SLC24A2: variants seen among roughly 807,000 people sequenced by gnomAD.
SLC24A2 encodes the protein solute carrier family 24 member 2.
SLC24A2 carries 36 observed loss-of-function variants against 62.0 expected under a neutral mutation model. That is an observed-to-expected ratio of 0.58 (90% confidence interval 0.44 to 0.77). SLC24A2 has a LOEUF of 0.77. Ranked by LOEUF, SLC24A2 falls within the 30% of genes least tolerant of loss-of-function variation. The probability of loss-of-function intolerance (pLI) is 0.00; values close to 1 mark genes in which losing one functional copy is unlikely to be tolerated. For synonymous variants in SLC24A2, 358 were observed against 294.0 expected, an observed-to-expected ratio of 1.22 and a Z score of -2.23; for missense variants, 846 against 817.9, an observed-to-expected ratio of 1.03 and a Z score of -0.42.
chr9:20,160,789 A>C, the SLC24A2 span, among the ~76,000 whole-genome samples: 2 of 151,162 alleles, frequency 1.3e-5, no homozygotes, highest in African/African-American at 2.4e-5. Flanking sequence ...AACCTTAAAC[A>C]TCTTGAATAA....
At chr9:19,738,596 CATT>C (rs202135527) in intron 2 of SLC24A2, among the ~76,000 whole-genome samples, 2,684 of 152,078 alleles carry the variant, frequency 0.018, 95 homozygotes, top group African/African-American at 0.061. Flanking sequence ...AGAAAAGTAT[CATT>C]ATTATTTTCA....
the SLC24A2 span, among the ~76,000 whole-genome samples, chr9:20,041,656 A>T: frequency 5.3e-5 from 8 of 152,360 alleles, no homozygotes; most frequent in East Asian, 1.5e-3. Flanking sequence ...TGCCTCATAC[A>T]TATGAAGGAA....
chr9:19,557,561 T>C (rs949547208), intron 7 of SLC24A2, among the ~76,000 whole-genome samples: 1 of 152,176 alleles, frequency 6.6e-6, no homozygotes, highest in African/African-American at 2.4e-5. Flanking sequence ...CTCAAAGCCT[T>C]TGTCATTAAA....
the SLC24A2 span, among the ~76,000 whole-genome samples, chr9:20,048,314 T>C: frequency 1.3e-5 from 2 of 152,228 alleles, no homozygotes; most frequent in African/African-American, 4.8e-5. Flanking sequence ...ATACATAATT[T>C]GCTTGATAAG....
the SLC24A2 span, among the ~76,000 whole-genome samples, chr9:20,156,298 T>A: frequency 1.3e-5 from 2 of 151,818 alleles, no homozygotes; most frequent in Non-Finnish European, 2.9e-5. Flanking sequence ...CTCACAAATC[T>A]TGACACTATA....
the SLC24A2 span, among the ~76,000 whole-genome samples, chr9:19,902,201 C>T: frequency 6.6e-6 from 1 of 152,164 alleles, no homozygotes; most frequent in Admixed American, 6.5e-5. Context: ...TGTCTCACCT[C>T]CTGTCCTGTC....
chr9:19,554,538 T>C (rs997664555), intron 7 of SLC24A2, among the ~76,000 whole-genome samples: 6 of 152,204 alleles, frequency 3.9e-5, no homozygotes, highest in Admixed American at 2.6e-4. Context: ...GCCTTTATGC[T>C]TTAACAAATG....
chr9:19,539,059 A>G lies in SLC24A2; in HGVS notation c.1480-10921T>C, dbSNP rs1370494676. 1.3e-3 allele frequency among the ~76,000 whole-genome samples: 104 copies of G among 80,430 alleles called. 2 individuals are homozygous for G. Among genetic ancestry groups the G allele is most frequent in the African/African-American group, 5.2e-3 (103 of 19,826 alleles). The allele number at this position is 80,430 out of a possible 152,430, so 52.8% of individuals were successfully genotyped here. A position where few individuals can be genotyped will look rare whatever the true frequency, so the allele number is the denominator to read the frequency against. On this transcript the variant is annotated intron_variant, in intron 8 of 10. Transcript: ENST00000341998. ...TGGGATCGGTGGTGATATCCCCTTT[A>G]TCATTTTTTATTGTGTCTATTTGAT...
intron 2 of SLC24A2, among the ~76,000 whole-genome samples, chr9:19,731,516 C>CTGTGT (rs72153360): frequency 8.8e-6 from 1 of 113,710 alleles, no homozygotes; most frequent in Admixed American, 9.7e-5. Flanking sequence ...TCTCTCTCTC[C>CTGTGT]GTGTGTGTGT....
chr9:19,870,917 A>G, the SLC24A2 span, among the ~76,000 whole-genome samples: 3,849 of 152,152 alleles, frequency 0.025, 153 homozygotes, highest in African/African-American at 0.087. Context: ...GTCCTTTATC[A>G]GCTTAGATGA....
rs571254213 is a variant in SLC24A2 at position 19,571,866 on chromosome 9, A to T, written c.1347+1485T>A. Among the ~76,000 whole-genome samples the T allele has an allele frequency of 2.0e-5, 3 of 152,270 alleles. No individual in the cohort carries two copies. In the South Asian group the frequency reaches 6.2e-4, roughly 32 times the overall value. On this transcript the variant is annotated intron_variant, in intron 7 of 10. Transcript: ENST00000341998. Reference sequence around the variant, plus strand: ...ACTGTGTTCTAGAGAGAGTGGTGGAAATTGTACAGTTGGACGGTCCTGAGA... The same window carrying T: ...ACTGTGTTCTAGAGAGAGTGGTGGATATTGTACAGTTGGACGGTCCTGAGA...
At chr9:19,876,061 T>A in the SLC24A2 span, among the ~76,000 whole-genome samples, 1 of 152,188 alleles carries the variant, frequency 6.6e-6, no homozygotes, top group Non-Finnish European at 1.5e-5. Flanking sequence ...TGTCAAGTCT[T>A]CCTTTAGTAT....
chr9:20,303,824 G>C, the SLC24A2 span, among the ~76,000 whole-genome samples: 1 of 152,192 alleles, frequency 6.6e-6, no homozygotes, highest in Admixed American at 6.5e-5. Flanking sequence ...ACCTCACTGT[G>C]TTCCTAGTCT....
chr9:19,523,046 C>G (rs1016158845), intron 9 of SLC24A2, among the ~76,000 whole-genome samples: 2 of 152,146 alleles, frequency 1.3e-5, no homozygotes, highest in African/African-American at 4.8e-5. Context: ...TTGCTGGGCA[C>G]AATGCCATGC....
At chr9:19,525,566 G>C (rs1345444871) in intron 9 of SLC24A2, among the ~76,000 whole-genome samples, 1 of 151,414 alleles carries the variant, frequency 6.6e-6, no homozygotes, top group African/African-American at 2.4e-5. Flanking sequence ...ACCATGGCCA[G>C]CTAATTTTTT....
At chr9:19,533,403 A>T (rs904924531) in intron 8 of SLC24A2, among the ~76,000 whole-genome samples, 3 of 152,190 alleles carry the variant, frequency 2.0e-5, no homozygotes, top group Admixed American at 6.5e-5. Flanking sequence ...TGCTCCTCTC[A>T]TCAAGAGGTG....
At chr9:19,992,496 C>T in the SLC24A2 span, among the ~76,000 whole-genome samples, 1 of 152,238 alleles carries the variant, frequency 6.6e-6, no homozygotes, top group East Asian at 1.9e-4. Flanking sequence ...AACAATTTAC[C>T]GTTCCATTCA....
intron 2 of SLC24A2, among the ~76,000 whole-genome samples, chr9:19,771,444 T>G (rs181687434): frequency 6.6e-6 from 1 of 152,244 alleles, no homozygotes; most frequent in African/African-American, 2.4e-5. Context: ...ATCCACTTAA[T>G]TGGACTTAAA....
chr9:19,751,436 C>T (rs908070852), intron 2 of SLC24A2, among the ~76,000 whole-genome samples: 1 of 152,098 alleles, frequency 6.6e-6, no homozygotes, highest in African/African-American at 2.4e-5. Context: ...GAGTGGGTTC[C>T]AGCCCACTGG....
Sources: gnomAD v4.1 joint callset for allele counts (sites outside exome capture counted in the v4.1 genomes callset) on GRCh38, gnomAD v4.1.1 for gene constraint, MANE v1.5 for transcripts, NCBI Gene and HGNC (gene_info 2026-07-23, HGNC 2026-07-21) for gene names.